Variants in ZNF254 observed in about 807,000 individuals in gnomAD.
ZNF254 encodes the protein zinc finger protein 254.
A neutral mutation model predicts 12.4 loss-of-function variants in ZNF254; 10 were observed. The observed-to-expected ratio is 0.80, with a 90% CI of 0.50 to 1.36. The LOEUF (loss-of-function observed/expected upper bound fraction) is 1.36, where lower values mean the gene tolerates loss of function less well. Ranked by LOEUF, ZNF254 falls within the 40% of genes most tolerant of loss-of-function variation. The pLI, the probability that ZNF254 is intolerant of heterozygous loss-of-function variation, is 0.00. For missense variants in ZNF254, 996 were observed against 763.9 expected (o/e 1.30, Z -3.58); for synonymous variants, 305 against 253.4 (o/e 1.20, Z -1.93).
intron 1 of ZNF254, among the ~76,000 whole-genome samples, chr19:24,089,626 G>GA (rs1347615795): frequency 6.6e-6 from 1 of 152,226 alleles, no homozygotes; most frequent in African/African-American, 2.4e-5. Flanking sequence ...TCTCTCATAG[G>GA]AAAATCTGAG....
intron 2 of ZNF254, among the ~76,000 whole-genome samples, chr19:24,050,467 A>ACC (rs1437215702): frequency 6.6e-6 from 1 of 152,098 alleles, no homozygotes; most frequent in Non-Finnish European, 1.5e-5. Context: ...GCACCCTTTG[A>ACC]CTATTTTATG....
intron 1 of ZNF254, among the ~76,000 whole-genome samples, chr19:24,037,745 G>C (rs1026629952): frequency 5.9e-5 from 9 of 152,166 alleles, no homozygotes; most frequent in African/African-American, 2.2e-4. Flanking sequence ...GAGTAGCTGG[G>C]ATTACAGGCA....
intron 2 of ZNF254, among the ~76,000 whole-genome samples, chr19:24,049,214 A>ATATTTTTTTTTTTTTTTTT (rs1160333151): frequency 4.9e-5 from 2 of 40,892 alleles, no homozygotes; most frequent in African/African-American, 1.4e-4. Context: ...ATATATATAT[A>ATATTTTTTTTTTTTTTTTT]TTTTTTTTTT....
chr19:24,083,469 C>T (rs1249757742), upstream of ZNF254, among the ~76,000 whole-genome samples: 2 of 151,934 alleles, frequency 1.3e-5, no homozygotes, highest in African/African-American at 4.8e-5. Context: ...CTCTAAAATT[C>T]ATATGAAACA....
At chr19:24,057,386 G>A (rs1970898928) in intron 2 of ZNF254, among the ~76,000 whole-genome samples, 1 of 152,120 alleles carries the variant, frequency 6.6e-6, no homozygotes, top group Non-Finnish European at 1.5e-5. Context: ...CTCATATCTG[G>A]ACCCAGTCAT....
At chr19:24,046,627 A>T (rs1349461125) in intron 2 of ZNF254, among the ~76,000 whole-genome samples, 1 of 151,992 alleles carries the variant, frequency 6.6e-6, no homozygotes, top group Non-Finnish European at 1.5e-5. Flanking sequence ...GAAAGAAACC[A>T]CAGGATTCAA....
chr19:24,125,876 G>T (rs1445658112), intron 3 of ZNF254, among the ~76,000 whole-genome samples: 2 of 152,176 alleles, frequency 1.3e-5, no homozygotes, highest in African/African-American at 4.8e-5. Flanking sequence ...GGCAATGATT[G>T]TGCCGGTATT....
chr19:24,121,101 G>T (rs1192369071), intron 3 of ZNF254, among the ~76,000 whole-genome samples: 1 of 150,748 alleles, frequency 6.6e-6, no homozygotes, highest in Non-Finnish European at 1.5e-5. Flanking sequence ...CTTTTATTTT[G>T]GAGATTTTTA....
intron 2 of ZNF254, chr19:24,049,032 G>C (rs1366158773): frequency 6.6e-6 from 1 of 151,218 alleles, no homozygotes; most frequent in African/African-American, 2.4e-5. Context: ...GCTTACAGGC[G>C]TGAGCCACCA....
At chr19:24,095,018 C>A (rs1236603830) in intron 1 of ZNF254, among the ~76,000 whole-genome samples, 2 of 152,158 alleles carry the variant, frequency 1.3e-5, no homozygotes, top group African/African-American at 4.8e-5. Flanking sequence ...AGTATGTTGG[C>A]TGATGGTTTG....
upstream of ZNF254, among the ~76,000 whole-genome samples, chr19:24,083,856 G>A (rs1402186096): frequency 1.3e-5 from 2 of 152,012 alleles, no homozygotes; most frequent in Non-Finnish European, 2.9e-5. Flanking sequence ...GCATGGTTTT[G>A]GTGAAAAGGG....
intron 3 of ZNF254, among the ~76,000 whole-genome samples, chr19:24,123,930 A>C (rs1473968256): frequency 6.6e-5 from 10 of 152,038 alleles, no homozygotes; most frequent in Non-Finnish European, 7.4e-5. Flanking sequence ...TATTTTAATA[A>C]AACTATTTAT....
chr19:24,098,988 C>G (rs1206560321), intron 1 of ZNF254: 1 of 74,768 alleles, frequency 1.3e-5, no homozygotes, highest in African/African-American at 6.5e-5. Context: ...AGGCTTCGCT[C>G]TTTTTTTTTT....
rs117561451 is a variant in ZNF254 at position 24,056,173 on chromosome 19, C to T, written c.-94+9894C>T. Among the ~76,000 whole-genome samples the T allele has an allele frequency of 2.8e-4, 43 of 152,268 alleles. 1 individual carries two copies. The highest frequency in any genetic ancestry group is 5.3e-4 in the Non-Finnish European group (36 of 68,020). ...TCCTCCCCTGCCTTGGCACTGCCTA[C>T]GGAAGGCGTTGGGACATGTCTCTGA... On this transcript the variant is annotated intron_variant, in intron 2 of 4. Coordinates refer to the ZNF254 transcript ENST00000613065.
At chr19:24,099,981 C>G (rs770624424) in intron 1 of ZNF254, among the ~76,000 whole-genome samples, 16 of 152,092 alleles carry the variant, frequency 1.1e-4, no homozygotes, top group Non-Finnish European at 2.1e-4. Context: ...GGGGACTTTC[C>G]CTCTTAGTCT....
intron 1 of ZNF254, among the ~76,000 whole-genome samples, chr19:24,091,577 C>T (rs1313149256): frequency 6.6e-6 from 1 of 152,110 alleles, no homozygotes; most frequent in African/African-American, 2.4e-5. Flanking sequence ...ACTGCAACCT[C>T]CAATTCCCAG....
chr19:24,089,427 A>G (rs1380970069), intron 1 of ZNF254, among the ~76,000 whole-genome samples: 1 of 151,962 alleles, frequency 6.6e-6, no homozygotes, highest in Non-Finnish European at 1.5e-5. Context: ...TATCTTCCCT[A>G]GTCACAGATA....
Position 24,126,613 on chromosome 19 carries a change from C to A in ZNF254, c.613C>A (p.His205Asn), listed in dbSNP as rs1253963096. 2.5e-6 allele frequency: 4 copies of A among 1,607,338 alleles called. No homozygotes were observed. Among genetic ancestry groups the A allele is most frequent in the Non-Finnish European group, 3.4e-6 (4 of 1,178,250 alleles). ...TAAAACCCAACACAAAAGCATTTAT[C>A]ATAGAGAGAAGTCCTACAAATGTAA... Reference protein sequence around the residue: ...SHKTQHKSIYHREKSYKCKEC... With the variant: ...SHKTQHKSIYNREKSYKCKEC... Residue 205 changes from histidine (H) to asparagine (N), a missense_variant, in exon 4 of 4, where the codon CAT becomes AAT. Transcript: ENST00000357002.
intron 2 of ZNF254, among the ~76,000 whole-genome samples, chr19:24,068,773 T>A (rs1971371013): frequency 2.0e-5 from 3 of 152,170 alleles, no homozygotes; most frequent in Admixed American, 2.0e-4. Flanking sequence ...CCAGTGTCAT[T>A]GGGACATATA....
Sources: gnomAD v4.1 joint callset for allele counts (sites outside exome capture counted in the v4.1 genomes callset) on GRCh38, gnomAD v4.1.1 for gene constraint, MANE v1.5 for transcripts, NCBI Gene and HGNC (gene_info 2026-07-23, HGNC 2026-07-21) for gene names.